Variants in RPS6KA2 observed in about 807,000 individuals in gnomAD.
The protein encoded by RPS6KA2 is ribosomal protein S6 kinase alpha-2.
RPS6KA2 carries 42 observed loss-of-function variants against 91.8 expected under a neutral mutation model. The ratio of observed to expected loss-of-function variants is 0.46; its 90% CI spans 0.36 to 0.59. RPS6KA2 has a LOEUF of 0.59. RPS6KA2 is among the 20% of genes least tolerant of loss of function. RPS6KA2 has a pLI of 0.00. For missense variants in RPS6KA2, 798 were observed against 978.5 expected, an observed-to-expected ratio of 0.82 and a Z score of 2.46; for synonymous variants, 414 against 393.6, an observed-to-expected ratio of 1.05 and a Z score of -0.61.
chr6:166,598,260 G>A (rs1415555858), intron 1 of RPS6KA2, among the ~76,000 whole-genome samples: 5 of 152,174 alleles, frequency 3.3e-5, no homozygotes, highest in African/African-American at 1.2e-4. Flanking sequence ...TTCCCTCCCT[G>A]CTGTTCAGGA....
intron 2 of RPS6KA2, among the ~76,000 whole-genome samples, chr6:166,815,937 G>T (rs1779749478): frequency 6.6e-6 from 1 of 152,140 alleles, no homozygotes; most frequent in Non-Finnish European, 1.5e-5. Flanking sequence ...AAGAGTAGTA[G>T]CTGTGCTACT....
At chr6:166,628,906 G>A (rs1399923142), upstream of RPS6KA2, among the ~76,000 whole-genome samples, 2 of 152,216 alleles carry the variant, frequency 1.3e-5, no homozygotes, top group East Asian at 3.8e-4. Context: ...AGAAGTGCAG[G>A]ACCCCACAAG....
intron 2 of RPS6KA2, among the ~76,000 whole-genome samples, chr6:166,748,784 T>C (rs866094147): frequency 6.1e-3 from 1 of 164 alleles, no homozygotes; most frequent in Non-Finnish European, 8.9e-3. Context: ...GGGCCCCCAT[T>C]TCCTCAGGCC....
chr6:166,451,148 G>C lies in RPS6KA2; in HGVS notation c.1161C>G (p.Pro387=). 2 of 1,614,112 alleles carry C rather than the reference G, an allele frequency of 1.2e-6. No individual in the cohort carries two copies. The highest frequency in any genetic ancestry group is 1.7e-6 in the Non-Finnish European group (2 of 1,179,996). ...SFVASSLIQE[P]SQQDLHKVPV... ...GGACTTTGTGCAGATCTTGCTGTGA[G>C]GGCTCCTGGATCAGGCTTGAGGCCA... is the stretch of plus-strand genomic sequence containing the variant. The change falls in exon 13 of 21, where the codon CCC becomes CCG. Residue 387 remains proline (P), a synonymous_variant. Transcript: ENST00000265678.
intron 2 of RPS6KA2, among the ~76,000 whole-genome samples, chr6:166,677,577 C>T (rs1788656932): frequency 6.6e-6 from 1 of 152,124 alleles, no homozygotes; most frequent in Non-Finnish European, 1.5e-5. Flanking sequence ...AAATTCCTGG[C>T]CTCAAGTGAT....
intron 2 of RPS6KA2, among the ~76,000 whole-genome samples, chr6:166,697,600 C>T (rs1353080736): frequency 3.3e-5 from 5 of 152,180 alleles, no homozygotes; most frequent in African/African-American, 9.7e-5. Context: ...GATGGTAGAG[C>T]GAGAAGATGG....
chr6:166,616,449 C>T (rs1384998709), intron 1 of RPS6KA2, among the ~76,000 whole-genome samples: 1 of 152,208 alleles, frequency 6.6e-6, no homozygotes, highest in Non-Finnish European at 1.5e-5. Flanking sequence ...TGCCTGAGGC[C>T]ATGTCAACCG....
At chr6:166,474,911 G>A (rs1215362467) in intron 10 of RPS6KA2, among the ~76,000 whole-genome samples, 1 of 152,220 alleles carries the variant, frequency 6.6e-6, no homozygotes, top group Non-Finnish European at 1.5e-5. Context: ...TTCCTGCAGA[G>A]CTTCATCCCG....
At chr6:166,687,113 G>A (rs1789046647) in intron 2 of RPS6KA2, among the ~76,000 whole-genome samples, 1 of 152,180 alleles carries the variant, frequency 6.6e-6, no homozygotes, top group Admixed American at 6.5e-5. Context: ...TCCAGACACA[G>A]ACAGCAATGC....
chr6:166,631,860 C>G (rs1787089196), upstream of RPS6KA2, among the ~76,000 whole-genome samples: 1 of 152,180 alleles, frequency 6.6e-6, no homozygotes. Context: ...CAAACGGAGC[C>G]CAGACAGGTG....
At chr6:166,716,374 C>T (rs192674492) in intron 2 of RPS6KA2, among the ~76,000 whole-genome samples, 1 of 152,192 alleles carries the variant, frequency 6.6e-6, no homozygotes, top group Non-Finnish European at 1.5e-5. Context: ...GTTGCCGGAG[C>T]CTGTCCCGGC....
intron 2 of RPS6KA2, among the ~76,000 whole-genome samples, chr6:166,654,411 GC>G (rs1787946755): frequency 6.6e-6 from 1 of 151,124 alleles, no homozygotes; most frequent in Non-Finnish European, 1.5e-5. Flanking sequence ...TTCTAGACGG[GC>G]CCCACTGCCA....
At chr6:166,715,732 G>A (rs1053874336) in intron 2 of RPS6KA2, among the ~76,000 whole-genome samples, 9 of 152,236 alleles carry the variant, frequency 5.9e-5, no homozygotes, top group East Asian at 1.9e-4. Flanking sequence ...CTTCCTGGTC[G>A]TGTATCCAAA....
chr6:166,821,838 G>A lies in RPS6KA2; in HGVS notation c.123+36362C>T, dbSNP rs934418352. 7.2e-5 allele frequency among the ~76,000 whole-genome samples: 11 copies of A among 152,078 alleles called. No individual in the cohort carries two copies. The highest frequency in any genetic ancestry group is 1.2e-4 in the Non-Finnish European group (8 of 68,022). On this transcript the variant is annotated intron_variant, in intron 2 of 21. Transcript: ENST00000503859. This position sits in a 1 kb window ranked among gnomAD's most constrained non-coding sequence, Gnocchi z 4.1. ...TATTCACAGGCATACTGAAGTTAAC[G>A]TTGTTGTGTTGGATTCCCCACTCAG...
chr6:166,853,638 C>T (rs1780806639), intron 2 of RPS6KA2, among the ~76,000 whole-genome samples: 1 of 152,248 alleles, frequency 6.6e-6, no homozygotes, highest in African/African-American at 2.4e-5. Context: ...GCATCGTGGC[C>T]ACCTAAGTCT....
chr6:166,718,128 G>A lies in RPS6KA2; in HGVS notation c.123+140072C>T, dbSNP rs188247835. On this transcript the variant is annotated intron_variant, in intron 2 of 21. Coordinates refer to the RPS6KA2 transcript ENST00000503859. ...CTCCCAAAGTGCTGGGATTACAGGC[G>A]TGAACCACTGTGCCCGGCCCTATTT... is the stretch of plus-strand genomic sequence containing the variant. Among the ~76,000 whole-genome samples, 14 of 152,334 alleles carry A rather than the reference G, an allele frequency of 9.2e-5. No homozygotes were observed. The East Asian group carries it at 1.4e-3, about 15-fold the overall frequency.
intron 10 of RPS6KA2, among the ~76,000 whole-genome samples, chr6:166,475,245 C>T (rs1185650794): frequency 6.6e-6 from 1 of 152,158 alleles, no homozygotes; most frequent in Non-Finnish European, 1.5e-5. Context: ...ACACAACCAC[C>T]AGAACAACAG....
rs1280244829 is a variant in RPS6KA2, at chr6:166,754,597, G to A, written c.123+103603C>T. On this transcript the variant is annotated intron_variant, in intron 2 of 21. Coordinates refer to the RPS6KA2 transcript ENST00000503859. ...AGTCCATAAAGGAGGTGGTGGGGGT[G>A]GGCTCTGGTTTGCATTTGAAAAGTG... 2.6e-5 allele frequency among the ~76,000 whole-genome samples: 4 copies of A among 152,252 alleles called. No individual in the cohort carries two copies. The South Asian group carries it at 6.2e-4, about 24-fold the overall frequency.
intron 2 of RPS6KA2, among the ~76,000 whole-genome samples, chr6:166,727,061 G>A (rs1012918072): frequency 8.5e-5 from 13 of 152,088 alleles, no homozygotes; most frequent in Admixed American, 2.6e-4. Flanking sequence ...TGCTGTGTTC[G>A]TTCACCAGGA....
Sources: allele counts gnomAD v4.1 joint callset (sites outside exome capture counted in the v4.1 genomes callset), GRCh38; gene constraint gnomAD v4.1.1; non-coding constraint Gnocchi (gnomAD v3.1); transcripts MANE v1.5; gene names NCBI Gene and HGNC (gene_info 2026-07-23, HGNC 2026-07-21).